The following KCND2 variants were observed in gnomAD, a reference collection of about 807,000 sequenced individuals.
KCND2 encodes the protein A-type voltage-gated potassium channel KCND2.
A neutral mutation model predicts 54.4 loss-of-function variants in KCND2; 16 were observed. That is an observed-to-expected ratio of 0.29 (90% CI 0.20 to 0.45). KCND2 has a LOEUF of 0.45. Ranked by LOEUF, KCND2 falls within the 20% of genes least tolerant of loss-of-function variation. The pLI, the probability that KCND2 is intolerant of heterozygous loss-of-function variation, is 1.00. For missense variants in KCND2, 486 were observed against 824.2 expected (o/e 0.59, Z 5.02); for synonymous variants, 317 against 310.7 (o/e 1.02, Z -0.21).
At chr7:120,557,117 T>C (rs927660501) in intron 1 of KCND2, among the ~76,000 whole-genome samples, 4 of 152,124 alleles carry the variant, frequency 2.6e-5, no homozygotes, top group Middle Eastern at 3.2e-3. Context: ...ACATTTTGTG[T>C]GTTACTTAGA....
At chr7:120,543,765 A>G (rs930466215) in intron 1 of KCND2, among the ~76,000 whole-genome samples, 11 of 151,900 alleles carry the variant, frequency 7.2e-5, no homozygotes, top group Non-Finnish European at 1.2e-4. Context: ...TAAGGAGTGC[A>G]TTGTCCATAT....
At chr7:120,730,222 TG>T (rs1273783458) in intron 1 of KCND2, among the ~76,000 whole-genome samples, 2 of 151,868 alleles carry the variant, frequency 1.3e-5, no homozygotes, top group Non-Finnish European at 2.9e-5. Flanking sequence ...TTAAAAGCCG[TG>T]TGTGTGTGTG....
At chr7:120,687,052 A>G (rs1234689510) in intron 1 of KCND2, among the ~76,000 whole-genome samples, 2 of 152,028 alleles carry the variant, frequency 1.3e-5, no homozygotes, top group Non-Finnish European at 2.9e-5. Flanking sequence ...GTCCTCTCCT[A>G]CCCTGCTCAT....
At chr7:120,431,041 TACTG>T (rs1293383646) in intron 1 of KCND2, among the ~76,000 whole-genome samples, 1 of 152,220 alleles carries the variant, frequency 6.6e-6, no homozygotes, top group Non-Finnish European at 1.5e-5. Flanking sequence ...TCCAAAGAGT[TACTG>T]AGACTAATAT....
chr7:120,465,071 A>C (rs554150247), intron 1 of KCND2, among the ~76,000 whole-genome samples: 1 of 152,282 alleles, frequency 6.6e-6, no homozygotes, highest in South Asian at 2.1e-4. Context: ...GGACATTCCA[A>C]ATTTTTGCAC....
At chr7:120,449,710 G>T (rs1404703098) in intron 1 of KCND2, among the ~76,000 whole-genome samples, 3 of 152,180 alleles carry the variant, frequency 2.0e-5, no homozygotes, top group Non-Finnish European at 4.4e-5. Context: ...TTCAGTTGAA[G>T]ATCAGAAAGT....
chr7:120,461,369 A>C (rs1484632335), intron 1 of KCND2, among the ~76,000 whole-genome samples: 2 of 152,208 alleles, frequency 1.3e-5, no homozygotes, highest in Non-Finnish European at 1.5e-5. Context: ...CAAATAAAAG[A>C]AAACATTTCT....
chr7:120,389,583 A>G (rs563294241), intron 1 of KCND2, among the ~76,000 whole-genome samples: 1 of 151,690 alleles, frequency 6.6e-6, no homozygotes, highest in South Asian at 2.1e-4. Context: ...CTGTTTCTAT[A>G]TATTTAAGGT....
chr7:120,290,491 G>A (rs1335260127), intron 1 of KCND2, among the ~76,000 whole-genome samples: 1 of 151,702 alleles, frequency 6.6e-6, no homozygotes, highest in Non-Finnish European at 1.5e-5. Context: ...TCATCTCTAT[G>A]CTATTGGCTC....
rs566326523 is a variant in KCND2, at chr7:120,624,909, A to G, written c.1116-107994A>G. ...ACATTCAATGGTAGAGCAAGCAAGC[A>G]GTCATTGCAAAGCAGTTTTGATTAT... On this transcript the variant is annotated intron_variant, in intron 1 of 5. Coordinates refer to ENST00000331113, the MANE Select transcript of KCND2 (RefSeq NM_012281.3). 1.5e-4 allele frequency among the ~76,000 whole-genome samples: 23 copies of G among 152,344 alleles called. No individual in the cohort carries two copies. The South Asian group carries it at 4.3e-3, about 29-fold the overall frequency.
At chr7:120,658,868 G>A (rs937948615) in intron 1 of KCND2, among the ~76,000 whole-genome samples, 3 of 152,170 alleles carry the variant, frequency 2.0e-5, no homozygotes, top group African/African-American at 2.4e-5. Flanking sequence ...ATTATGAAGC[G>A]TGTTAGGCAC....
At chr7:120,580,715 C>T (rs1792504422) in intron 1 of KCND2, among the ~76,000 whole-genome samples, 1 of 152,090 alleles carries the variant, frequency 6.6e-6, no homozygotes, top group African/African-American at 2.4e-5. Flanking sequence ...GCTTGACAAG[C>T]TACTTTACTA....
chr7:120,668,544 A>G (rs938432154), intron 1 of KCND2, among the ~76,000 whole-genome samples: 1 of 152,222 alleles, frequency 6.6e-6, no homozygotes, highest in African/African-American at 2.4e-5. Context: ...TTAACATAAA[A>G]CATCAAGGTG....
At chr7:120,731,737 G>A (rs1792809387) in intron 1 of KCND2, among the ~76,000 whole-genome samples, 2 of 152,146 alleles carry the variant, frequency 1.3e-5, no homozygotes, top group African/African-American at 4.8e-5. Flanking sequence ...AAATGACCAC[G>A]GTTTGGTTTA....
chr7:120,283,982 T>C (rs2116261090), intron 1 of KCND2, among the ~76,000 whole-genome samples: 1 of 152,252 alleles, frequency 6.6e-6, no homozygotes, highest in Admixed American at 6.5e-5. Context: ...AGCAATGCTT[T>C]GATAAGAATC....
At chr7:120,308,773 C>T (rs991547958) in intron 1 of KCND2, among the ~76,000 whole-genome samples, 3 of 152,112 alleles carry the variant, frequency 2.0e-5, no homozygotes, top group Admixed American at 2.0e-4. Context: ...CAATTATCAG[C>T]TGTGTAAATG....
intron 1 of KCND2, among the ~76,000 whole-genome samples, chr7:120,590,866 T>C (rs1459396046): frequency 6.6e-6 from 1 of 152,212 alleles, no homozygotes; most frequent in African/African-American, 2.4e-5. Context: ...GGATAACTTG[T>C]TATGAGAACT....
chr7:120,472,925 A>G (rs1269078614), intron 1 of KCND2, among the ~76,000 whole-genome samples: 1 of 152,234 alleles, frequency 6.6e-6, no homozygotes, highest in Non-Finnish European at 1.5e-5. Context: ...AGCAGTTAAT[A>G]AAGACTCTGA....
intron 1 of KCND2, among the ~76,000 whole-genome samples, chr7:120,595,837 A>G (rs2116465340): frequency 6.6e-6 from 1 of 151,946 alleles, no homozygotes; most frequent in Admixed American, 6.6e-5. Context: ...AGCAGCCAGC[A>G]CATAAAAGAC....
Sources: gnomAD v4.1 joint callset for allele counts (sites outside exome capture counted in the v4.1 genomes callset) on GRCh38, gnomAD v4.1.1 for gene constraint, MANE v1.5 for transcripts, NCBI Gene and HGNC (gene_info 2026-07-23, HGNC 2026-07-21) for gene names.